GLI3: variants seen among roughly 807,000 people sequenced by gnomAD.
GLI3 encodes transcription activator GLI3.
Under a neutral mutation model 100.8 loss-of-function variants are expected in GLI3, and 20 were observed. That is an observed-to-expected ratio of 0.20 (90% CI 0.14 to 0.29). The LOEUF is 0.29. Ranked by LOEUF, GLI3 falls within the 10% of genes least tolerant of loss-of-function variation. GLI3 has a pLI of 1.00. For missense variants in GLI3, 2,040 were observed against 2,128.5 expected (o/e 0.96, Z 0.82); for synonymous variants, 938 against 860.5 (o/e 1.09, Z -1.58).
At chr7:42,257,592 C>T (rs113281701) in intron 1 of GLI3, among the ~76,000 whole-genome samples, 3,984 of 152,228 alleles carry the variant, frequency 0.026, 179 homozygotes, top group African/African-American at 0.091. Flanking sequence ...GATCCTCCCA[C>T]CTCGGGCTCC....
intron 7 of GLI3, among the ~76,000 whole-genome samples, chr7:42,031,236 C>T (rs2128734619): frequency 6.6e-6 from 1 of 152,314 alleles, no homozygotes; most frequent in African/African-American, 2.4e-5. Context: ...ACTTTTATAG[C>T]TTTTGTTTCT....
chr7:42,259,556 G>A (rs1298026484), intron 1 of GLI3, among the ~76,000 whole-genome samples: 1 of 152,160 alleles, frequency 6.6e-6, no homozygotes, highest in East Asian at 1.9e-4. Context: ...CACATAGTAA[G>A]TTCACAATGT....
chr7:42,028,633 A>G (rs1160713651), intron 7 of GLI3, among the ~76,000 whole-genome samples: 1 of 151,990 alleles, frequency 6.6e-6, no homozygotes, highest in African/African-American at 2.4e-5. Flanking sequence ...GCGTGATGGC[A>G]TGCACCTGTA....
intron 1 of GLI3, among the ~76,000 whole-genome samples, chr7:42,244,882 CT>C (rs1788956998): frequency 6.6e-6 from 1 of 152,154 alleles, no homozygotes; most frequent in Admixed American, 6.5e-5. Flanking sequence ...AAAGAGAAGG[CT>C]TTCACTTGGA....
In GLI3 at chr7:41,990,414, G is replaced by A. The variant is rs1447347923; in HGVS notation, c.1498-11666C>T. On this transcript the variant is annotated intron_variant, in intron 10 of 14. Coordinates refer to ENST00000395925, the MANE Select transcript of GLI3 (RefSeq NM_000168.6). ...AAAAGTTAAGAATAAAATAAAAAAC[G>A]TAAATGAAAAACGAGATCCAATTTG... Among the ~76,000 whole-genome samples, 7 of 152,064 alleles carry A rather than the reference G, an allele frequency of 4.6e-5. No individual in the cohort carries two copies. The East Asian group carries it at 5.8e-4, about 13-fold the overall frequency.
intron 3 of GLI3, among the ~76,000 whole-genome samples, chr7:42,131,762 G>A (rs773332832): frequency 4.6e-5 from 7 of 152,058 alleles, no homozygotes; most frequent in Non-Finnish European, 8.8e-5. Flanking sequence ...GGAAAAGAAA[G>A]AGAAGCTTAC....
chr7:42,085,630 T>TACCAG (rs1284222860), intron 3 of GLI3, among the ~76,000 whole-genome samples: 1 of 152,158 alleles, frequency 6.6e-6, no homozygotes, highest in Non-Finnish European at 1.5e-5. Context: ...TCTATTCCAA[T>TACCAG]ACCAGAGCAC....
chr7:42,195,720 ATTTG>A (rs546703477), intron 2 of GLI3, among the ~76,000 whole-genome samples: 63 of 152,192 alleles, frequency 4.1e-4, no homozygotes, highest in Non-Finnish European at 7.6e-4. Context: ...GGCAGAAATT[ATTTG>A]TTTAATTCAC....
At chr7:42,030,779 C>G (rs777062689) in intron 7 of GLI3, among the ~76,000 whole-genome samples, 155 of 149,058 alleles carry the variant, frequency 1.0e-3, no homozygotes, top group Non-Finnish European at 1.7e-3. Flanking sequence ...AGTGCAGTGG[C>G]ACGATCTCAG....
chr7:42,214,262 G>A (rs574018896), intron 2 of GLI3, among the ~76,000 whole-genome samples: 4 of 152,296 alleles, frequency 2.6e-5, no homozygotes, highest in Admixed American at 1.3e-4. Flanking sequence ...CCTGGCGAAT[G>A]ATGAGGCAGG....
chr7:42,188,002 CA>C lies in GLI3; in HGVS notation c.124+35127del, dbSNP rs56140906. Among the ~76,000 whole-genome samples the C allele has an allele frequency of 1.9e-3, 166 of 85,262 alleles. 1 individual carries two copies. Among genetic ancestry groups the C allele is most frequent in the Admixed American group, 3.7e-3 (28 of 7,602 alleles). The allele number at this position is 85,262 out of a possible 152,430, so 55.9% of individuals were successfully genotyped here. The stretch of plus-strand genomic sequence containing the variant: ...TGGGCGACAGAGTGAGACTCCATCT[CA>C]AAAAAAAAAAAAAAATAGGCCAGCA... On this transcript the variant is annotated intron_variant, in intron 2 of 14. Coordinates refer to ENST00000395925, the MANE Select transcript of GLI3 (RefSeq NM_000168.6).
At position 41,966,841 on chromosome 7, in the gene GLI3, G is replaced by A. The variant is rs1432688132; in HGVS notation, c.2432-200C>T. Reference sequence around the variant, plus strand: ...CACAGAGAGCAGTGAGCAAGCAAGCGTGGCGGGGTGTCCATGAAGCTTCCT... The same window carrying A: ...CACAGAGAGCAGTGAGCAAGCAAGCATGGCGGGGTGTCCATGAAGCTTCCT... On this transcript the variant is annotated intron_variant, in intron 14 of 14. Coordinates refer to ENST00000395925, the MANE Select transcript of GLI3 (RefSeq NM_000168.6). This position sits in a 1 kb window ranked among gnomAD's most constrained non-coding sequence, Gnocchi z 5.8. 6.6e-6 allele frequency among the ~76,000 whole-genome samples: 1 copy of A among 152,162 alleles called. No homozygotes were observed. The highest frequency in any genetic ancestry group is 2.4e-5 in the African/African-American group (1 of 41,446).
chr7:42,128,958 T>C (rs13232033), intron 3 of GLI3, among the ~76,000 whole-genome samples: 3,244 of 152,292 alleles, frequency 0.021, 48 homozygotes, highest in Middle Eastern at 0.078. Context: ...CTGACACTAT[T>C]GCAGTCTAGC....
rs555076449 is a variant in GLI3, at chr7:41,969,616, G to A, written c.2104-1693C>T. ...TGCCAGACCACCTGCTCCTTCCTGA[G>A]GTACTTGTTTCCAGAGTTTTGGATG... On this transcript the variant is annotated intron_variant, in intron 13 of 14. Coordinates refer to ENST00000395925, the MANE Select transcript of GLI3 (RefSeq NM_000168.6). Among the ~76,000 whole-genome samples, 11 of 152,322 alleles carry A rather than the reference G, an allele frequency of 7.2e-5. 1 individual carries two copies. The South Asian group carries it at 2.3e-3, about 32-fold the overall frequency.
intron 14 of GLI3, among the ~76,000 whole-genome samples, chr7:41,967,376 A>G (rs1787213756): frequency 6.8e-6 from 1 of 147,512 alleles, no homozygotes; most frequent in Non-Finnish European, 1.5e-5. Flanking sequence ...AATATGAGTC[A>G]TGCACAGTCA....
intron 3 of GLI3, among the ~76,000 whole-genome samples, chr7:42,082,868 G>A (rs1421593831): frequency 6.6e-6 from 1 of 151,838 alleles, no homozygotes; most frequent in Non-Finnish European, 1.5e-5. Context: ...ATCACATGTG[G>A]GCCGGTTTTT....
intron 3 of GLI3, among the ~76,000 whole-genome samples, chr7:42,128,966 A>T (rs903854746): frequency 6.6e-6 from 1 of 152,214 alleles, no homozygotes; most frequent in Non-Finnish European, 1.5e-5. Context: ...ATTGCAGTCT[A>T]GCAGAAATGC....
intron 10 of GLI3, among the ~76,000 whole-genome samples, chr7:42,006,183 C>G (rs1290814965): frequency 6.6e-6 from 1 of 152,172 alleles, no homozygotes; most frequent in Non-Finnish European, 1.5e-5. Flanking sequence ...CAACATTGCC[C>G]AGAACAAGGC....
chr7:42,135,742 C>T (rs1786412923), intron 3 of GLI3, among the ~76,000 whole-genome samples: 1 of 152,192 alleles, frequency 6.6e-6, no homozygotes, highest in Non-Finnish European at 1.5e-5. Flanking sequence ...TTCCTCCAAC[C>T]TCTTCATCAT....
Sources: gnomAD v4.1 joint callset for allele counts (sites outside exome capture counted in the v4.1 genomes callset) on GRCh38, gnomAD v4.1.1 for gene constraint, Gnocchi (gnomAD v3.1) non-coding constraint, MANE v1.5 for transcripts, NCBI Gene and HGNC (gene_info 2026-07-23, HGNC 2026-07-21) for gene names.